PPP2R5E: variants seen among roughly 807,000 people sequenced by gnomAD.
The protein encoded by PPP2R5E is protein phosphatase 2 regulatory subunit B'epsilon.
In PPP2R5E, 4 loss-of-function variants were observed where a neutral mutation model predicts 65.3. That is an observed-to-expected ratio of 0.06 (90% confidence interval 0.03 to 0.14). The LOEUF (loss-of-function observed/expected upper bound fraction) is 0.14, where lower values mean the gene tolerates loss of function less well. Among genes scored for constraint, PPP2R5E ranks in the 10% least tolerant of loss-of-function variants. PPP2R5E has a pLI of 1.00. For synonymous variants in PPP2R5E, 183 were observed against 187.4 expected (o/e 0.98, Z 0.19); for missense variants, 274 against 556.1 (o/e 0.49, Z 5.10).
intron 2 of PPP2R5E, 46 bp downstream of exon 2, chr14:63,539,483 G>A: frequency 6.3e-7 from 1 of 1,581,840 alleles, no homozygotes; most frequent in Non-Finnish European, 8.6e-7. Context: ...TATAGATGTA[G>A]AAAGATCAAT....
chr14:63,507,065 AG>A (rs1892219983), intron 2 of PPP2R5E, among the ~76,000 whole-genome samples: 2 of 152,182 alleles, frequency 1.3e-5, no homozygotes, highest in South Asian at 4.1e-4. Flanking sequence ...TACAGGTGTG[AG>A]CCACGGTGCC....
intron 5 of PPP2R5E, among the ~76,000 whole-genome samples, chr14:63,397,304 C>A (rs1220162494): frequency 1.3e-5 from 2 of 152,036 alleles, no homozygotes; most frequent in Admixed American, 6.5e-5. Context: ...GAGTTTAAGA[C>A]CAGCCTGGCC....
intron 3 of PPP2R5E, among the ~76,000 whole-genome samples, chr14:63,424,750 C>CA (rs1171991957): frequency 0.048 from 4,125 of 85,442 alleles, 132 homozygotes; most frequent in African/African-American, 0.12. Context: ...GGCTCCATCT[C>CA]AAAAAAAAAA....
chr14:63,432,006 G>C (rs931430933), intron 3 of PPP2R5E, among the ~76,000 whole-genome samples: 2 of 144,528 alleles, frequency 1.4e-5, no homozygotes, highest in African/African-American at 5.1e-5. Flanking sequence ...AAAATGATCA[G>C]AAGTTTAACA....
intron 3 of PPP2R5E, among the ~76,000 whole-genome samples, chr14:63,435,969 G>C (rs1887934772): frequency 6.6e-6 from 1 of 152,166 alleles, no homozygotes; most frequent in Admixed American, 6.5e-5. Flanking sequence ...TCCAAAAATA[G>C]ACGTGTAAAC....
chr14:63,467,223 A>AC (rs1476941070), intron 2 of PPP2R5E, among the ~76,000 whole-genome samples: 2,270 of 122,804 alleles, frequency 0.018, 94 homozygotes, highest in African/African-American at 0.075. Flanking sequence ...ACTCCGTCTC[A>AC]AAAAAAACAA....
chr14:63,533,253 A>T (rs1893508989), intron 2 of PPP2R5E, among the ~76,000 whole-genome samples: 1 of 151,530 alleles, frequency 6.6e-6, no homozygotes, highest in Admixed American at 6.6e-5. Context: ...TAGACGAAAA[A>T]GGCAATCATT....
intron 2 of PPP2R5E, among the ~76,000 whole-genome samples, chr14:63,526,952 C>T (rs1377204578): frequency 6.6e-6 from 1 of 152,128 alleles, no homozygotes; most frequent in Non-Finnish European, 1.5e-5. Flanking sequence ...GGCGGATCAC[C>T]TGAGGTTGGC....
intron 4 of PPP2R5E, among the ~76,000 whole-genome samples, chr14:63,415,966 T>C (rs1886662850): frequency 1.3e-5 from 2 of 152,228 alleles, no homozygotes; most frequent in East Asian, 3.8e-4. Context: ...CTGACAAATT[T>C]CTTTTCAGAA....
intron 2 of PPP2R5E, among the ~76,000 whole-genome samples, chr14:63,512,078 TAAAAAAAAAAAAA>T (rs57623942): frequency 1.0e-4 from 9 of 87,082 alleles, no homozygotes; most frequent in East Asian, 9.8e-4. Flanking sequence ...GACTCTGCGG[TAAAAAAAAAAAAA>T]AAAAAAAAAA....
Position 63,437,035 on chromosome 14 carries a change from AACCAAAACCC to A in PPP2R5E, c.355-14951_355-14942del, listed in dbSNP as rs1475562193. ...ATAAAACAGGATGCATAAAGAAGGCAACCAAAACCCACCAAAACCAAGATGGCAAGGAGAG... is the reference window on the plus strand; with the variant it reads ...ATAAAACAGGATGCATAAAGAAGGCAACCAAAACCAAGATGGCAAGGAGAG... On this transcript the variant is annotated intron_variant, in intron 3 of 13. Transcript: ENST00000337537. Among the ~76,000 whole-genome samples the A allele has an allele frequency of 5.9e-5, 9 of 152,328 alleles. No homozygotes were observed. The East Asian group carries it at 1.7e-3, about 29-fold the overall frequency.
At chr14:63,496,423 A>G (rs571308346) in intron 2 of PPP2R5E, among the ~76,000 whole-genome samples, 1 of 149,010 alleles carries the variant, frequency 6.7e-6, no homozygotes, top group South Asian at 2.1e-4. Flanking sequence ...CAGCCCAGGC[A>G]ACAGAGTAAG....
intron 3 of PPP2R5E, among the ~76,000 whole-genome samples, chr14:63,429,089 T>G (rs1016892162): frequency 6.6e-6 from 1 of 152,178 alleles, no homozygotes; most frequent in Admixed American, 6.5e-5. Flanking sequence ...ATATTTTTGT[T>G]AAGATTTGAG....
chr14:63,412,910 G>C (rs1364152024), intron 5 of PPP2R5E, among the ~76,000 whole-genome samples: 1 of 152,136 alleles, frequency 6.6e-6, no homozygotes, highest in Admixed American at 6.5e-5. Flanking sequence ...CAAAAGCTGT[G>C]TTCTAAGACC....
At chr14:63,515,713 G>T (rs1487234801) in intron 2 of PPP2R5E, among the ~76,000 whole-genome samples, 6 of 151,002 alleles carry the variant, frequency 4.0e-5, no homozygotes, top group Non-Finnish European at 5.9e-5. Context: ...TAGAAATGGG[G>T]TTTCACCATG....
chr14:63,532,398 C>G (rs764632363), intron 2 of PPP2R5E, among the ~76,000 whole-genome samples: 8 of 152,270 alleles, frequency 5.3e-5, no homozygotes, highest in African/African-American at 1.7e-4. Context: ...ATGCAACTCT[C>G]CAGGTGAAGA....
intron 3 of PPP2R5E, among the ~76,000 whole-genome samples, chr14:63,433,674 A>C (rs184856898): frequency 6.6e-6 from 1 of 152,294 alleles, no homozygotes; most frequent in Admixed American, 6.5e-5. Flanking sequence ...GCCTCTCCAG[A>C]GAGTAAAGCT....
rs779307043 is a variant in PPP2R5E at position 63,421,996 on chromosome 14, T to C, written c.453A>G (p.Leu151=). 1 of 1,603,274 alleles carries C rather than the reference T, an allele frequency of 6.2e-7. No homozygotes were observed. Among genetic ancestry groups the C allele is most frequent in the Non-Finnish European group, 8.5e-7 (1 of 1,170,136 alleles). The change falls in exon 4 of 14, where the codon TTA becomes TTG. Residue 151 remains leucine, a synonymous_variant. Coordinates refer to ENST00000337537, the MANE Select transcript of PPP2R5E (RefSeq NM_006246.5). ...EPTLEASWPH[L]QLVYEFFIRF... is the part of the protein sequence containing the mutation. ...AACAAATGGTATTTCAAAGTACCTG[T>C]AAGTGTGGCCACGATGCCTCAAGGG...
intron 2 of PPP2R5E, among the ~76,000 whole-genome samples, chr14:63,467,685 GA>G (rs1460396617): frequency 1.3e-5 from 2 of 152,208 alleles, no homozygotes; most frequent in African/African-American, 4.8e-5. Context: ...GATGTCAAAT[GA>G]ATTCGATTTC....
Sources: allele counts gnomAD v4.1 joint callset (sites outside exome capture counted in the v4.1 genomes callset), GRCh38; gene constraint gnomAD v4.1.1; transcripts MANE v1.5; gene names NCBI Gene and HGNC (gene_info 2026-07-23, HGNC 2026-07-21).